XKR9: variants seen among roughly 807,000 people sequenced by gnomAD.
The protein encoded by XKR9 is XK related 9.
In XKR9, 32 loss-of-function variants were observed where a neutral mutation model predicts 32.0. That is an observed-to-expected ratio of 1.00 (90% CI 0.76 to 1.34). XKR9 has a LOEUF of 1.34. XKR9 is among the 40% of genes most tolerant of loss of function. The pLI is 0.00. For synonymous variants in XKR9, 168 were observed against 143.4 expected (o/e 1.17, Z -1.22); for missense variants, 546 against 429.7 (o/e 1.27, Z -2.39).
the XKR9 span, among the ~76,000 whole-genome samples, chr8:70,979,084 A>T: frequency 6.6e-6 from 1 of 152,184 alleles, no homozygotes. Flanking sequence ...TTTCAGATCC[A>T]TCAGGTCATT....
chr8:70,849,333 A>G, the XKR9 span, among the ~76,000 whole-genome samples: 3 of 152,352 alleles, frequency 2.0e-5, no homozygotes, highest in East Asian at 3.9e-4. Context: ...GCAAAACTAC[A>G]TGGAAACTGA....
chr8:70,734,080 G>A lies in XKR9; in HGVS notation c.778G>A (p.Glu260Lys), dbSNP rs1228469898. 2 of 1,610,832 alleles carry A rather than the reference G, an allele frequency of 1.2e-6. No homozygotes were observed. Among genetic ancestry groups the A allele is most frequent in the Admixed American group, 1.7e-5 (1 of 59,944 alleles). ...CCAGTTTTGTACTTGTATAAGTATG[G>A]AATTCTTATATAGGATTGTTGTTGG... Reference protein sequence around the residue: ...NTQFCTCISMEFLYRIVVGFI... With the variant: ...NTQFCTCISMKFLYRIVVGFI... Residue 260 changes from glutamate to lysine, a missense_variant, in exon 5 of 5, where the codon GAA (glutamate) becomes AAA (lysine). Transcript: ENST00000408926.
At chr8:70,970,730 G>C in the XKR9 span, among the ~76,000 whole-genome samples, 1 of 152,152 alleles carries the variant, frequency 6.6e-6, no homozygotes, top group East Asian at 1.9e-4. Context: ...GGACATTTTG[G>C]TTGGTTCCAA....
chr8:71,043,068 C>A, the XKR9 span, among the ~76,000 whole-genome samples: 1 of 152,178 alleles, frequency 6.6e-6, no homozygotes. Flanking sequence ...AGGCTTCATG[C>A]CTGAGCTTTC....
chr8:71,064,964 T>G, the XKR9 span, among the ~76,000 whole-genome samples: 18 of 152,166 alleles, frequency 1.2e-4, no homozygotes, highest in Non-Finnish European at 1.3e-4. Context: ...TGAATAAAAC[T>G]TGCCTCTCAG....
chr8:70,796,731 A>G, the XKR9 span, among the ~76,000 whole-genome samples: 2 of 152,214 alleles, frequency 1.3e-5, no homozygotes, highest in Non-Finnish European at 2.9e-5. Flanking sequence ...AAAATTAAAT[A>G]CTGTGTGTTA....
the XKR9 span, among the ~76,000 whole-genome samples, chr8:70,904,760 GGT>G: frequency 6.6e-6 from 1 of 152,160 alleles, no homozygotes; most frequent in Non-Finnish European, 1.5e-5. Context: ...GGCTGGTACT[GGT>G]TGTTCCTTTC....
At chr8:70,738,899 C>G (rs36137830), downstream of XKR9, among the ~76,000 whole-genome samples, 1 of 151,776 alleles carries the variant, frequency 6.6e-6, no homozygotes, top group Non-Finnish European at 1.5e-5. Context: ...AGTATGTGGT[C>G]AATTTTGGAA....
At chr8:70,951,446 G>T in the XKR9 span, among the ~76,000 whole-genome samples, 1 of 152,188 alleles carries the variant, frequency 6.6e-6, no homozygotes, top group East Asian at 1.9e-4. Context: ...AGGCTGGGAG[G>T]GCCTGGCCAC....
At chr8:71,004,883 C>T in the XKR9 span, among the ~76,000 whole-genome samples, 1 of 151,524 alleles carries the variant, frequency 6.6e-6, no homozygotes, top group Admixed American at 6.6e-5. Flanking sequence ...CCAGGCTGGA[C>T]TGCAGTGGTG....
chr8:70,803,455 C>T, the XKR9 span, among the ~76,000 whole-genome samples: 2 of 152,192 alleles, frequency 1.3e-5, no homozygotes, highest in African/African-American at 4.8e-5. Flanking sequence ...TCAGCCATTT[C>T]AGCCTGGTTA....
chr8:70,779,225 G>T (rs975370604), intron 2 of XKR9, among the ~76,000 whole-genome samples: 1 of 151,958 alleles, frequency 6.6e-6, no homozygotes, highest in Non-Finnish European at 1.5e-5. Context: ...GTGGTTTTTT[G>T]TCGTTCTGTT....
At chr8:70,812,858 C>T in the XKR9 span, among the ~76,000 whole-genome samples, 1 of 152,096 alleles carries the variant, frequency 6.6e-6, no homozygotes, top group African/African-American at 2.4e-5. Context: ...GTGAAAATGG[C>T]CATACTGCCC....
chr8:70,941,217 A>T, the XKR9 span, among the ~76,000 whole-genome samples: 2 of 151,900 alleles, frequency 1.3e-5, no homozygotes, highest in Non-Finnish European at 2.9e-5. Context: ...AAATAGAATT[A>T]TATAATATGT....
At chr8:70,908,023 T>G in the XKR9 span, among the ~76,000 whole-genome samples, 1 of 152,342 alleles carries the variant, frequency 6.6e-6, no homozygotes, top group East Asian at 1.9e-4. Context: ...CGTTGAAACT[T>G]TATTAAGTTA....
the XKR9 span, among the ~76,000 whole-genome samples, chr8:70,931,293 C>T: frequency 6.6e-6 from 1 of 152,120 alleles, no homozygotes; most frequent in Admixed American, 6.6e-5. Context: ...CAGAAGGTTA[C>T]CCTGAGGTCA....
the XKR9 span, among the ~76,000 whole-genome samples, chr8:70,951,378 C>T: frequency 1.6e-4 from 25 of 152,314 alleles, no homozygotes; most frequent in South Asian, 4.1e-4. Context: ...GGGTGGGGGA[C>T]AGGGCTAGAG....
chr8:70,848,441 A>G, the XKR9 span, among the ~76,000 whole-genome samples: 1 of 151,964 alleles, frequency 6.6e-6, no homozygotes, highest in Non-Finnish European at 1.5e-5. Flanking sequence ...AGTCCTGGCC[A>G]AAGAAATTAT....
intron 2 of XKR9, among the ~76,000 whole-genome samples, chr8:70,677,348 A>G (rs767326732): frequency 4.6e-5 from 7 of 151,946 alleles, no homozygotes; most frequent in Non-Finnish European, 1.0e-4. Context: ...GGGTTTCACC[A>G]TGTTGCCCAG....
Sources: gnomAD v4.1 joint callset for allele counts (sites outside exome capture counted in the v4.1 genomes callset) on GRCh38, gnomAD v4.1.1 for gene constraint, MANE v1.5 for transcripts, NCBI Gene and HGNC (gene_info 2026-07-23, HGNC 2026-07-21) for gene names.